FBXO34: variants seen among roughly 807,000 people sequenced by gnomAD.
The protein encoded by FBXO34 is F-box only protein 34.
FBXO34 carries 12 observed loss-of-function variants against 24.5 expected under a neutral mutation model. That is an observed-to-expected ratio of 0.49 (90% CI 0.31 to 0.79). FBXO34 has a LOEUF of 0.79. Ranked by LOEUF, FBXO34 falls within the 30% of genes least tolerant of loss-of-function variation. The pLI, the probability that FBXO34 is intolerant of heterozygous loss-of-function variation, is 0.04. For missense variants in FBXO34, 823 were observed against 857.7 expected, an observed-to-expected ratio of 0.96 and a Z score of 0.51; for synonymous variants, 320 against 311.9, an observed-to-expected ratio of 1.03 and a Z score of -0.27.
intron 1 of FBXO34, among the ~76,000 whole-genome samples, chr14:55,272,515 A>G (rs1430294125): frequency 6.7e-6 from 1 of 149,932 alleles, no homozygotes; most frequent in Non-Finnish European, 1.5e-5. Flanking sequence ...AGTGTTGATA[A>G]ATCAGTTTGC....
rs772201304 is a variant in FBXO34 at position 55,339,874 on chromosome 14, G to A, written c.-10-10507G>A. Among the ~76,000 whole-genome samples, 83 of 152,134 alleles carry A rather than the reference G, an allele frequency of 5.5e-4. 1 individual carries two copies. Among genetic ancestry groups the A allele is most frequent in the Non-Finnish European group, 4.9e-4 (33 of 68,018 alleles). Reference sequence around the variant, plus strand: ...CAGTCTTGGTTCAGCAGATCTTAGAGGCATGTGGTAGAAGGAAGAATAGTT... The same window carrying A: ...CAGTCTTGGTTCAGCAGATCTTAGAAGCATGTGGTAGAAGGAAGAATAGTT... On this transcript the variant is annotated intron_variant, in intron 1 of 1. Coordinates refer to ENST00000313833, the MANE Select transcript of FBXO34 (RefSeq NM_017943.4).
the FBXO34 span, among the ~76,000 whole-genome samples, chr14:55,399,842 A>T: frequency 1.3e-5 from 2 of 152,230 alleles, no homozygotes; most frequent in African/African-American, 4.8e-5. Flanking sequence ...CTTTGCTCTA[A>T]AACAAATTGG....
downstream of FBXO34, among the ~76,000 whole-genome samples, chr14:55,363,085 C>T (rs1021801566): frequency 1.3e-4 from 20 of 148,504 alleles, 1 homozygote; most frequent in Non-Finnish European, 4.4e-5. Context: ...TGTAATGGCA[C>T]AATCTTGGCT....
At chr14:55,323,029 A>C (rs1488029352) in intron 1 of FBXO34, among the ~76,000 whole-genome samples, 3 of 129,174 alleles carry the variant, frequency 2.3e-5, no homozygotes, top group African/African-American at 3.0e-5. Flanking sequence ...AAAAAAAAAA[A>C]AAAAGCAAAA....
chr14:55,369,827 A>C (rs199628554), downstream of FBXO34: 31 of 1,614,216 alleles, frequency 1.9e-5, no homozygotes, highest in East Asian at 2.2e-4. Context: ...TTCATCGCTG[A>C]CGCGCTCATC....
chr14:55,407,420 C>G, the FBXO34 span, among the ~76,000 whole-genome samples: 1 of 152,158 alleles, frequency 6.6e-6, no homozygotes, highest in Admixed American at 6.5e-5. Flanking sequence ...TGAGCCACTG[C>G]CCCCGGCCTC....
downstream of FBXO34, chr14:55,369,483 T>C: frequency 1.1e-6 from 1 of 889,930 alleles, no homozygotes. Context: ...TCTCCCTGCT[T>C]AAAAAGACAA....
chr14:55,419,236 T>C, the FBXO34 span, among the ~76,000 whole-genome samples: 1 of 152,224 alleles, frequency 6.6e-6, no homozygotes, highest in South Asian at 2.1e-4. Flanking sequence ...AGCTGCTTGA[T>C]ATCGTTAAGT....
intron 1 of FBXO34, among the ~76,000 whole-genome samples, chr14:55,302,902 A>T (rs974384692): frequency 1.3e-5 from 2 of 152,182 alleles, no homozygotes; most frequent in Admixed American, 1.3e-4. Context: ...TTTGAACTAG[A>T]TGTGTTTCCT....
chr14:55,432,987 A>T, the FBXO34 span, among the ~76,000 whole-genome samples: 1 of 152,204 alleles, frequency 6.6e-6, no homozygotes, highest in Non-Finnish European at 1.5e-5. Flanking sequence ...GAAAATCCAC[A>T]ATAACTACTT....
the FBXO34 span, chr14:55,414,477 T>A: frequency 1.2e-5 from 19 of 1,531,348 alleles, no homozygotes; most frequent in Non-Finnish European, 1.7e-5. Context: ...TCCAGGTTTA[T>A]ATAATTTTTA....
At chr14:55,413,644 G>A in the FBXO34 span, 2 of 405,842 alleles carry the variant, frequency 4.9e-6, no homozygotes, top group Admixed American at 6.0e-5. Flanking sequence ...GCAGGCTGGC[G>A]CTTCAGTTGA....
the FBXO34 span, among the ~76,000 whole-genome samples, chr14:55,390,445 C>G: frequency 6.6e-6 from 1 of 152,102 alleles, no homozygotes; most frequent in Non-Finnish European, 1.5e-5. Context: ...GCAATCTCAG[C>G]TCACTGCAAG....
At chr14:55,277,944 G>A (rs984746349) in intron 1 of FBXO34, among the ~76,000 whole-genome samples, 5 of 152,052 alleles carry the variant, frequency 3.3e-5, no homozygotes, top group African/African-American at 7.2e-5. Context: ...AACTTTGAGC[G>A]GGCTGAATCA....
At chr14:55,414,293 A>G in the FBXO34 span, 74,030 of 1,032,682 alleles carry the variant, frequency 0.072, 2,973 homozygotes, top group South Asian at 0.087. Context: ...AACATCTACA[A>G]TTAAACGTAG....
intron 1 of FBXO34, among the ~76,000 whole-genome samples, chr14:55,314,105 C>G (rs939514268): frequency 6.6e-6 from 1 of 152,052 alleles, no homozygotes; most frequent in South Asian, 2.1e-4. Context: ...GAGCTGAGGT[C>G]TCCCTTTTTT....
chr14:55,363,885 C>T (rs201837619), downstream of FBXO34, among the ~76,000 whole-genome samples: 1 of 151,454 alleles, frequency 6.6e-6, no homozygotes, highest in Non-Finnish European at 1.5e-5. Context: ...TTTTTTTTTA[C>T]TCAACTCGCT....
intron 1 of FBXO34, among the ~76,000 whole-genome samples, chr14:55,341,107 G>A (rs1761034699): frequency 6.6e-6 from 1 of 152,120 alleles, no homozygotes; most frequent in South Asian, 2.1e-4. Context: ...TGCAGCAAAG[G>A]AAAGAGGTTG....
the FBXO34 span, among the ~76,000 whole-genome samples, chr14:55,420,844 G>A: frequency 6.6e-6 from 1 of 152,150 alleles, no homozygotes; most frequent in Admixed American, 6.5e-5. Flanking sequence ...TGGATCACGA[G>A]GTCAGGAGAT....
Sources: allele counts gnomAD v4.1 joint callset (sites outside exome capture counted in the v4.1 genomes callset), GRCh38; gene constraint gnomAD v4.1.1; transcripts MANE v1.5; gene names NCBI Gene and HGNC (gene_info 2026-07-23, HGNC 2026-07-21).